The following PSD3 variants were observed in gnomAD, a reference collection of about 807,000 sequenced individuals.
PSD3 encodes the protein PH and SEC7 domain-containing protein 3.
In PSD3, 49 loss-of-function variants were observed where a neutral mutation model predicts 105.5. The ratio of observed to expected loss-of-function variants is 0.46; its 90% CI spans 0.37 to 0.59. The LOEUF is 0.59. PSD3 is among the 20% of genes least tolerant of loss of function. PSD3 has a pLI of 0.00. For missense variants in PSD3, 1,561 were observed against 1,263.8 expected, an observed-to-expected ratio of 1.24 and a Z score of -3.57; for synonymous variants, 557 against 457.8, an observed-to-expected ratio of 1.22 and a Z score of -2.77.
chr8:18,961,384 A>G (rs963460745), intron 1 of PSD3, among the ~76,000 whole-genome samples: 1 of 152,202 alleles, frequency 6.6e-6, no homozygotes, highest in Admixed American at 6.5e-5. Context: ...ATAACAGAAG[A>G]GCCATAAAAA....
At chr8:18,748,234 T>C (rs1805182807) in intron 9 of PSD3, among the ~76,000 whole-genome samples, 1 of 152,156 alleles carries the variant, frequency 6.6e-6, no homozygotes, top group South Asian at 2.1e-4. Flanking sequence ...TTTTCAAAGG[T>C]TGGCAGAAAG....
chr8:18,753,775 C>T (rs911949218), intron 9 of PSD3, among the ~76,000 whole-genome samples: 2 of 152,058 alleles, frequency 1.3e-5, no homozygotes, highest in Non-Finnish European at 2.9e-5. Context: ...TTTCACACTC[C>T]CTGTCTCCTT....
intron 1 of PSD3, among the ~76,000 whole-genome samples, chr8:19,051,153 G>A (rs1468475762): frequency 1.3e-5 from 2 of 152,082 alleles, no homozygotes; most frequent in Admixed American, 1.3e-4. Context: ...ATGGCTCTTA[G>A]AATAAACACA....
At chr8:18,640,150 T>C (rs1807536378) in intron 10 of PSD3, among the ~76,000 whole-genome samples, 2 of 152,172 alleles carry the variant, frequency 1.3e-5, no homozygotes, top group South Asian at 2.1e-4. Flanking sequence ...TAGAACTCCG[T>C]TGATATAGAC....
chr8:18,806,615 G>A (rs1165632969), intron 4 of PSD3, among the ~76,000 whole-genome samples: 8 of 152,256 alleles, frequency 5.3e-5, no homozygotes, highest in African/African-American at 1.2e-4. Flanking sequence ...TATCGTAGGC[G>A]TGCAGGCCAC....
At chr8:18,975,178 G>GTC (rs1824862343) in intron 1 of PSD3, among the ~76,000 whole-genome samples, 1 of 152,096 alleles carries the variant, frequency 6.6e-6, no homozygotes, top group Non-Finnish European at 1.5e-5. Context: ...TAAGGAAAAG[G>GTC]TCTCTGCCTA....
At chr8:18,578,297 T>G (rs777220331) in intron 12 of PSD3, among the ~76,000 whole-genome samples, 1 of 152,092 alleles carries the variant, frequency 6.6e-6, no homozygotes, top group African/African-American at 2.4e-5. Flanking sequence ...GGGTTGATAA[T>G]TGCTGACAAA....
chr8:18,655,572 C>T (rs1428823170), intron 10 of PSD3, 70 bp downstream of exon 10: 5 of 1,393,672 alleles, frequency 3.6e-6, no homozygotes, highest in Non-Finnish European at 3.1e-6. Context: ...AAGATCACTT[C>T]CAAGGCATAA....
chr8:18,606,545 T>C (rs988072642), intron 11 of PSD3, among the ~76,000 whole-genome samples: 1 of 152,164 alleles, frequency 6.6e-6, no homozygotes, highest in Non-Finnish European at 1.5e-5. Flanking sequence ...AAAAATAGAT[T>C]CTCTATTGCA....
intron 11 of PSD3, among the ~76,000 whole-genome samples, chr8:18,610,354 C>T (rs575132833): frequency 6.6e-6 from 1 of 152,310 alleles, no homozygotes; most frequent in East Asian, 1.9e-4. Context: ...GTACTTCAAC[C>T]ACTCATACAC....
At chr8:18,662,878 AT>A (rs1450927515) in intron 9 of PSD3, among the ~76,000 whole-genome samples, 1 of 152,188 alleles carries the variant, frequency 6.6e-6, no homozygotes, top group Non-Finnish European at 1.5e-5. Context: ...ACATTTTAAA[AT>A]TGCAAATGAA....
At chr8:18,833,159 T>C (rs1813813091) in intron 4 of PSD3, among the ~76,000 whole-genome samples, 1 of 152,160 alleles carries the variant, frequency 6.6e-6, no homozygotes. Flanking sequence ...CTGGAGAAAG[T>C]GACAGCGAAA....
Position 18,533,186 on chromosome 8 carries a change from T to A in PSD3, c.*2557A>T, listed in dbSNP as rs1396494898. On this transcript the variant is annotated 3_prime_UTR_variant, in exon 16 of 16. Transcript: ENST00000327040. ...TCTAGGCAAATCAGTGACTGTTTCC[T>A]CCCATAGCATAAACTCTTGGCCTCC... The A allele has an allele frequency of 6.6e-6, 1 of 152,150 alleles. No homozygotes were observed. The highest frequency in any genetic ancestry group is 6.6e-5 in the Admixed American group (1 of 15,266). The allele number at this position is 152,150 out of a possible 1,614,324, so 9.4% of individuals were successfully genotyped here.
intron 4 of PSD3, among the ~76,000 whole-genome samples, chr8:18,858,492 C>G (rs908944202): frequency 1.3e-5 from 2 of 152,118 alleles, no homozygotes; most frequent in African/African-American, 4.8e-5. Context: ...ATGGACTCTT[C>G]TTTTCACAAA....
intron 9 of PSD3, among the ~76,000 whole-genome samples, chr8:18,741,434 C>T (rs972178044): frequency 2.0e-5 from 3 of 152,156 alleles, no homozygotes; most frequent in Admixed American, 1.3e-4. Flanking sequence ...CTCAACTTTA[C>T]AACAGTGGTC....
At chr8:18,726,421 T>C (rs940050697) in intron 9 of PSD3, among the ~76,000 whole-genome samples, 2 of 152,200 alleles carry the variant, frequency 1.3e-5, no homozygotes, top group African/African-American at 4.8e-5. Context: ...TTCCCCAATA[T>C]TCTCTTGTAT....
At chr8:18,821,872 C>CCACA (rs5889830) in intron 4 of PSD3, among the ~76,000 whole-genome samples, 23 of 137,374 alleles carry the variant, frequency 1.7e-4, no homozygotes, top group African/African-American at 2.6e-4. Flanking sequence ...TGCACACACA[C>CCACA]CACACACACA....
intron 9 of PSD3, among the ~76,000 whole-genome samples, chr8:18,710,870 T>C (rs199873701): frequency 6.6e-6 from 1 of 152,032 alleles, no homozygotes; most frequent in Non-Finnish European, 1.5e-5. Flanking sequence ...TTAGTAGAGA[T>C]TGGGTTTCAC....
intron 8 of PSD3, among the ~76,000 whole-genome samples, chr8:18,792,785 G>A (rs1236543444): frequency 6.6e-6 from 1 of 152,094 alleles, no homozygotes; most frequent in Non-Finnish European, 1.5e-5. Context: ...TCAAGGATCT[G>A]GAACTAGAAA....
Sources: gnomAD v4.1 joint callset for allele counts (sites outside exome capture counted in the v4.1 genomes callset) on GRCh38, gnomAD v4.1.1 for gene constraint, MANE v1.5 for transcripts, NCBI Gene and HGNC (gene_info 2026-07-23, HGNC 2026-07-21) for gene names.